Variants in CDAN1 observed in about 807,000 individuals in gnomAD.
The protein encoded by CDAN1 is codanin 1, also known as codanin-1.
A neutral mutation model predicts 139.8 loss-of-function variants in CDAN1; 107 were observed. That is an observed-to-expected ratio of 0.77 (90% CI 0.65 to 0.90). The LOEUF (loss-of-function observed/expected upper bound fraction) is 0.90, where lower values mean the gene tolerates loss of function less well. CDAN1 is among the 40% of genes least tolerant of loss of function. The pLI, the probability that CDAN1 is intolerant of heterozygous loss-of-function variation, is 0.00. For synonymous variants in CDAN1, 776 were observed against 660.6 expected (o/e 1.17, Z -2.68); for missense variants, 1,667 against 1,575.7 (o/e 1.06, Z -0.98).
intron 22 of CDAN1, 90 bp from the exon 23 acceptor site, chr15:42,727,859 T>G (rs1595852240): frequency 1.9e-6 from 3 of 1,604,270 alleles, no homozygotes; most frequent in East Asian, 2.2e-5. Flanking sequence ...TGTTTCCTAC[T>G]GGCTCTCAGT....
chr15:42,730,449 G>A, intron 14 of CDAN1, 149 bp downstream of exon 14: 4 of 973,486 alleles, frequency 4.1e-6, no homozygotes, highest in South Asian at 2.8e-5. Context: ...GTACCTCAGG[G>A]GAGCCAATCG....
rs778261043 is a variant in CDAN1 at position 42,729,894 on chromosome 15, A to G, written c.2263-9T>C. On this transcript the variant is annotated splice_polypyrimidine_tract_variant and intron_variant, in intron 15 of 27. Coordinates refer to ENST00000356231, the MANE Select transcript of CDAN1 (RefSeq NM_138477.4). ...TCAGGGACTGTGGGAATCTGGCAAG[A>G]CAGTCACAATTCAGGTCAACTTCAG... 5.6e-6 allele frequency: 9 copies of G among 1,609,752 alleles called. No individual in the cohort carries two copies. Among genetic ancestry groups the G allele is most frequent in the South Asian group, 1.1e-5 (1 of 90,784 alleles).
intron 12 of CDAN1, 46 bp downstream of exon 12, chr15:42,731,165 C>T: frequency 3.7e-6 from 6 of 1,614,236 alleles, no homozygotes; most frequent in Non-Finnish European, 4.2e-6. Context: ...ATACTCCCTT[C>T]CCTCCTGGGT....
Position 42,724,496 on chromosome 15 carries a change from T to C in CDAN1, c.3679A>G (p.Ser1227Gly). 6.3e-7 allele frequency: 1 copy of C among 1,577,542 alleles called. No homozygotes were observed. Among genetic ancestry groups the C allele is most frequent in the Non-Finnish European group, 8.6e-7 (1 of 1,160,478 alleles). The part of the protein sequence containing the change: ...QPNRGTVLAQ[S>G] Reference sequence around the variant, plus strand: ...GGCAGGGCCACTTCTCAGCCCTAGCTCTGGGCCAGCACAGTGCCCCGGTTT... The same window carrying C: ...GGCAGGGCCACTTCTCAGCCCTAGCCCTGGGCCAGCACAGTGCCCCGGTTT... Residue 1227 changes from serine (S) to glycine (G), a missense_variant, in exon 28 of 28, where the codon AGC becomes GGC. Coordinates refer to ENST00000356231, the MANE Select transcript of CDAN1 (RefSeq NM_138477.4).
intron 26 of CDAN1, 91 bp from the exon 27 acceptor site, chr15:42,725,342 G>T: frequency 6.8e-7 from 1 of 1,475,930 alleles, no homozygotes. Flanking sequence ...GAGCTGCTGG[G>T]AAGAGACTTG....
At chr15:42,736,972 C>A in intron 1 of CDAN1, 41 bp downstream of exon 1, 1 of 1,524,948 alleles carries the variant, frequency 6.6e-7, no homozygotes, top group Non-Finnish European at 8.8e-7. Flanking sequence ...ACTGCGGGAA[C>A]CGGCTTCGAG....
At chr15:42,729,922 A>ACCCGCCCCC in intron 15 of CDAN1, 37 bp from the exon 16 acceptor site, 1 of 1,513,210 alleles carries the variant, frequency 6.6e-7, no homozygotes, top group Non-Finnish European at 9.1e-7. Flanking sequence ...AACTTCAGAG[A>ACCCGCCCCC]CCCCCACCCA....
intron 6 of CDAN1, 32 bp from the exon 7 acceptor site, chr15:42,734,378 C>G (rs758904394): frequency 9.3e-6 from 15 of 1,613,540 alleles, no homozygotes; most frequent in Non-Finnish European, 1.7e-6. Context: ...TGACTGAGAC[C>G]AGAACACAGA....
chr15:42,731,934 T>G (rs561772205), intron 10 of CDAN1, 109 bp from the exon 11 acceptor site: 22 of 968,946 alleles, frequency 2.3e-5, no homozygotes, highest in Admixed American at 1.4e-4. Context: ...GCCAACTGTG[T>G]CAAGTGCTTT....
intron 22 of CDAN1, 91 bp downstream of exon 22, chr15:42,727,864 C>T (rs1306581625): frequency 6.2e-6 from 10 of 1,603,382 alleles, no homozygotes; most frequent in Admixed American, 1.7e-5. Context: ...CCTACTGGCT[C>T]TCAGTCCCAT....
Position 42,733,182 on chromosome 15 carries a change from C to T in CDAN1, c.1372G>A (p.Val458Met). 1 of 1,614,098 alleles carries T rather than the reference C, an allele frequency of 6.2e-7. No individual in the cohort carries two copies. Among genetic ancestry groups the T allele is most frequent in the Non-Finnish European group, 8.5e-7 (1 of 1,179,950 alleles). The change falls in exon 9 of 28, where the codon GTG (valine) becomes ATG (methionine). Residue 458 changes from valine (V) to methionine (M), a missense_variant. By Grantham distance (21) the Val-to-Met change is conservative. This residue lies in a region of CDAN1 where 244 missense variants were observed against 309.4 expected (regional missense o/e 0.79). Coordinates refer to ENST00000356231, the MANE Select transcript of CDAN1 (RefSeq NM_138477.4). ...CACTCTCGCAGCACCTCATAAAACA[C>T]ATCCCTGACGCATAAGAACGCCTGA... ...AFHTFKKQRD[V>M]FYEVLREWED... is the part of the protein sequence containing the mutation.
Position 42,735,242 on chromosome 15 carries a change from AG to A in CDAN1, c.1057+18del. 6.2e-7 allele frequency: 1 copy of A among 1,603,378 alleles called. No homozygotes were observed. The highest frequency in any genetic ancestry group is 1.1e-5 in the South Asian group (1 of 89,902). The stretch of plus-strand genomic sequence containing the variant: ...CCGTTTCTAGACCCCATGTCTCAAA[AG>A]GAGGCTTGCTCACTGACCTAGGACA... On this transcript the variant is annotated intron_variant, in intron 5 of 27. Coordinates refer to ENST00000356231, the MANE Select transcript of CDAN1 (RefSeq NM_138477.4).
At position 42,728,710 on chromosome 15, in the gene CDAN1, C is replaced by T. The variant is rs2061565970; in HGVS notation, c.2746G>A (p.Glu916Lys). The change falls in exon 20 of 28, where the codon GAG becomes AAG. Residue 916 changes from glutamate (E) to lysine (K), a missense_variant. Transcript: ENST00000356231. ...EEGGDPAQLL[E>K]ILCSQLCPHG... ...GGGCACAGCTGGGAACACAAGATCTCCAACAGCTGGGCTGGGTCTCCCCCT... is the reference window on the plus strand; with the variant it reads ...GGGCACAGCTGGGAACACAAGATCTTCAACAGCTGGGCTGGGTCTCCCCCT... 6.2e-7 allele frequency: 1 copy of T among 1,614,188 alleles called. No homozygotes were observed. Among genetic ancestry groups the T allele is most frequent in the South Asian group, 1.1e-5 (1 of 91,088 alleles).
intron 19 of CDAN1, 50 bp from the exon 20 acceptor site, chr15:42,728,860 G>C: frequency 6.2e-7 from 1 of 1,612,790 alleles, no homozygotes; most frequent in Non-Finnish European, 8.5e-7. Flanking sequence ...TAATCGGAAA[G>C]AGGCTGAAAA....
rs1355656703 is a variant in CDAN1 at position 42,733,308 on chromosome 15, C to T, written c.1368-122G>A. 3.5e-5 allele frequency: 28 copies of T among 790,708 alleles called. No homozygotes were observed. The East Asian group carries it at 6.4e-4, about 18-fold the overall frequency. 49.0% of individuals were successfully genotyped at this position (790,708 alleles called of 1,614,324 possible). On this transcript the variant is annotated intron_variant, in intron 8 of 27. Coordinates refer to ENST00000356231, the MANE Select transcript of CDAN1 (RefSeq NM_138477.4). ...TTTTTTTTGGAGATGGAGTCTTGCT[C>T]TTGTCACTCAGGCTGGATTGCAATG...
Position 42,736,654 on chromosome 15 carries a change from CG to C in CDAN1, c.216del (p.Ala73ProfsTer109). The C allele has an allele frequency of 1.3e-6, 2 of 1,532,084 alleles. No homozygotes were observed. The highest frequency in any genetic ancestry group is 1.2e-5 in the South Asian group (1 of 82,078). The allele number at this position is 1,532,084 out of a possible 1,614,324, so 94.9% of individuals were successfully genotyped here. A position where few individuals can be genotyped will look rare whatever the true frequency, so the allele number is the denominator to read the frequency against. ...SRVLPQGPPT[P>X]AKTPGASAAL... ...GCTGCCGAGGCGCCCGGGGTCTTGG[CG>C]GGGGTCGGGGGCCCCTGCGGGAGGA... On this transcript the variant is annotated frameshift_variant, in exon 2 of 28. Coordinates refer to ENST00000356231, the MANE Select transcript of CDAN1 (RefSeq NM_138477.4). LOFTEE classifies it high-confidence loss of function.
Position 42,733,949 on chromosome 15 carries a change from A to G in CDAN1, c.1356T>C (p.Phe452=), listed in dbSNP as rs1409926435. 1.9e-6 allele frequency: 3 copies of G among 1,612,400 alleles called. No individual in the cohort carries two copies. The highest frequency in any genetic ancestry group is 3.3e-5 in the Admixed American group (2 of 60,018). Reference sequence around the variant, plus strand: ...CCTTTTCTTATCACCTCTGTTTCTTAAAAGTATGAAAGGCTCGGTCACTGG... The same window carrying G: ...CCTTTTCTTATCACCTCTGTTTCTTGAAAGTATGAAAGGCTCGGTCACTGG... ...NFSSDRAFHT[F]KKQRDVFYEV... is the part of the protein sequence containing the mutation. The change falls in exon 8 of 28, where the codon TTT becomes TTC. Residue 452 remains phenylalanine, a synonymous_variant. Coordinates refer to ENST00000356231, the MANE Select transcript of CDAN1 (RefSeq NM_138477.4).
chr15:42,736,148 G>A, intron 2 of CDAN1, 70 bp from the exon 3 acceptor site: 1 of 1,578,792 alleles, frequency 6.3e-7, no homozygotes, highest in South Asian at 1.1e-5. Context: ...CACCGCAACA[G>A]CTAGACCTCT....
intron 20 of CDAN1, 55 bp downstream of exon 20, chr15:42,728,597 G>A (rs528418245): frequency 6.2e-7 from 1 of 1,607,566 alleles, no homozygotes; most frequent in Non-Finnish European, 8.5e-7. Flanking sequence ...AAGGAGGAAA[G>A]AAAGGACAGA....
Sources: gnomAD v4.1 joint callset for allele counts on GRCh38, gnomAD v4.1.1 for gene constraint, gnomAD v4.1.1 regional missense constraint, MANE v1.5 for transcripts, NCBI Gene and HGNC (gene_info 2026-07-23, HGNC 2026-07-21) for gene names.